Variants in TMEM260 observed in about 807,000 individuals in gnomAD.
The protein encoded by TMEM260 is protein O-mannosyl-transferase TMEM260.
TMEM260 carries 82 observed loss-of-function variants against 88.9 expected under a neutral mutation model. The ratio of observed to expected loss-of-function variants is 0.92; its 90% CI spans 0.77 to 1.11. The LOEUF (loss-of-function observed/expected upper bound fraction) is 1.11, where lower values mean the gene tolerates loss of function less well. Among genes scored for constraint, TMEM260 ranks in the 50% least tolerant of loss-of-function variants. The pLI is 0.00. For synonymous variants in TMEM260, 314 were observed against 309.3 expected, an observed-to-expected ratio of 1.02 and a Z score of -0.16; for missense variants, 902 against 853.4, an observed-to-expected ratio of 1.06 and a Z score of -0.71.
chr14:56,655,805 T>C, the TMEM260 span, among the ~76,000 whole-genome samples: 1 of 152,208 alleles, frequency 6.6e-6, no homozygotes, highest in Non-Finnish European at 1.5e-5. Flanking sequence ...ATCATGCACC[T>C]GGATGAAGCC....
intron 13 of TMEM260, among the ~76,000 whole-genome samples, chr14:56,633,701 G>A (rs1167232519): frequency 6.6e-6 from 1 of 152,034 alleles, no homozygotes; most frequent in Non-Finnish European, 1.5e-5. Flanking sequence ...CTTCCATTAA[G>A]CATTTCTACA....
intron 3 of TMEM260, 110 bp downstream of exon 3, chr14:56,586,022 C>T (rs555464093): frequency 9.2e-7 from 1 of 1,083,400 alleles, no homozygotes; most frequent in South Asian, 1.6e-5. Flanking sequence ...TTCCCTAACA[C>T]ATGTGATTTC....
intron 12 of TMEM260, among the ~76,000 whole-genome samples, chr14:56,629,337 A>ATACT: frequency 1.4e-5 from 2 of 142,820 alleles, no homozygotes; most frequent in South Asian, 4.3e-4. Context: ...TTTTCATGGT[A>ATACT]TACTTAGGAG....
the TMEM260 span, among the ~76,000 whole-genome samples, chr14:56,657,742 A>G: frequency 6.6e-6 from 1 of 152,212 alleles, no homozygotes; most frequent in Non-Finnish European, 1.5e-5. Flanking sequence ...CCACCTGTTG[A>G]GATGTCTGCA....
Position 56,603,866 on chromosome 14 carries a change from T to A in TMEM260, c.396T>A (p.Phe132Leu). 6.2e-7 allele frequency: 1 copy of A among 1,613,988 alleles called. No homozygotes were observed. Residue 132 changes from phenylalanine (F) to leucine (L), a missense_variant, in exon 4 of 16, where the codon TTT (phenylalanine) becomes TTA (leucine). Phe to Leu is a conservative substitution (Grantham distance 22). Transcript: ENST00000261556. ...TCCTTGCTGCGGGGGTGTTTTCATT[T>A]TCTCGTCTAACATGGCAGTGGTCCA... ...GGILAAGVFSFSRLTWQWSIA... is the reference protein window; with the variant it reads ...GGILAAGVFSLSRLTWQWSIA...
At chr14:56,596,381 A>AGAGTGTGTGTGTGTGTGT (rs1555334739) in intron 3 of TMEM260, among the ~76,000 whole-genome samples, 6 of 126,576 alleles carry the variant, frequency 4.7e-5, no homozygotes, top group South Asian at 2.6e-4. Flanking sequence ...TATATGTGAG[A>AGAGTGTGTGTGTGTGTGT]GTGTGTGTGT....
At chr14:56,635,846 T>A (rs1242839462) in intron 14 of TMEM260, among the ~76,000 whole-genome samples, 1 of 121,822 alleles carries the variant, frequency 8.2e-6, no homozygotes, top group East Asian at 2.4e-4. Context: ...TGATTGCAAA[T>A]ATATATATAT....
At chr14:56,584,675 A>G (rs1885373002) in intron 1 of TMEM260, among the ~76,000 whole-genome samples, 1 of 152,140 alleles carries the variant, frequency 6.6e-6, no homozygotes, top group African/African-American at 2.4e-5. Context: ...AGGGATAATA[A>G]AGCATATTAC....
chr14:56,609,194 T>G lies in TMEM260; in HGVS notation c.725T>G (p.Leu242Arg). The G allele has an allele frequency of 6.2e-7, 1 of 1,614,170 alleles. No individual in the cohort carries two copies. Among genetic ancestry groups the G allele is most frequent in the Non-Finnish European group, 8.5e-7 (1 of 1,180,026 alleles). The part of the protein sequence containing the change: ...PYVHLPISSY[L>R]NHARWTWGDQ... ...GTCCACCTTCCCATCTCATCTTACC[T>G]TAATCACGCCCGGTGGACCTGGGGA... The change falls in exon 6 of 16, where the codon CTT becomes CGT. Residue 242 changes from leucine to arginine, a missense_variant. Leu to Arg is a moderately radical substitution (Grantham distance 102). Transcript: ENST00000261556.
At chr14:56,596,421 T>C (rs1253981809) in intron 3 of TMEM260, among the ~76,000 whole-genome samples, 24 of 136,616 alleles carry the variant, frequency 1.8e-4, no homozygotes, top group South Asian at 4.5e-4. Context: ...TATATATATA[T>C]ATATACATAC....
In TMEM260 at chr14:56,605,673, T is replaced by A. The variant is rs779435739; in HGVS notation, c.626T>A (p.Leu209Ter). The change falls in exon 5 of 16, where the codon TTA becomes TAA. Residue 209 changes from leucine (L) to a stop codon, truncating the protein, a stop_gained. Transcript: ENST00000261556. LOFTEE classifies it high-confidence loss of function. ...CIIPWILFQLLKKKELSLGSL... is the reference protein window; with the variant it reads ...CIIPWILFQL ...ATACCTTGGATTCTCTTTCAACTTT[T>A]AAAAAAGAAGGTACGTTTTTGAATT... 1.3e-5 allele frequency: 20 copies of A among 1,559,020 alleles called. No individual in the cohort carries two copies. The highest frequency in any genetic ancestry group is 7.6e-5 in the Admixed American group (4 of 52,670).
At chr14:56,658,618 G>A in the TMEM260 span, among the ~76,000 whole-genome samples, 10 of 152,256 alleles carry the variant, frequency 6.6e-5, no homozygotes, top group Non-Finnish European at 1.0e-4. Flanking sequence ...CTTCAAACAT[G>A]TTAAGGTTAT....
At chr14:56,644,238 A>G (rs1343515097) in intron 15 of TMEM260, among the ~76,000 whole-genome samples, 1 of 152,168 alleles carries the variant, frequency 6.6e-6, no homozygotes, top group Non-Finnish European at 1.5e-5. Flanking sequence ...GAGGCATCAC[A>G]CTACCTGACT....
chr14:56,633,810 A>C (rs1381917463), intron 13 of TMEM260, among the ~76,000 whole-genome samples: 2 of 152,342 alleles, frequency 1.3e-5, no homozygotes, highest in Non-Finnish European at 2.9e-5. Flanking sequence ...ACACACACAG[A>C]GTCACTATCT....
At chr14:56,615,664 A>T in intron 7 of TMEM260, 2 of 303,458 alleles carry the variant, frequency 6.6e-6, no homozygotes, top group Non-Finnish European at 1.2e-5. Flanking sequence ...GATATTCTAT[A>T]CAGTATACCA....
intron 15 of TMEM260, 56 bp from the exon 16 acceptor site, chr14:56,647,187 A>G (rs1234436368): frequency 1.0e-5 from 11 of 1,056,742 alleles, no homozygotes; most frequent in Admixed American, 9.6e-5. Flanking sequence ...TTTGTTTTTG[A>G]AAAAAAAAAA....
downstream of TMEM260, among the ~76,000 whole-genome samples, chr14:56,654,527 A>T (rs1890264915): frequency 6.6e-6 from 1 of 152,070 alleles, no homozygotes; most frequent in African/African-American, 2.4e-5. Context: ...TTTAAAAAAT[A>T]TTGAATGTCA....
At position 56,579,884 on chromosome 14, in the gene TMEM260, C is replaced by T. The variant is rs1199520316; in HGVS notation, c.-31C>T. On this transcript the variant is annotated 5_prime_UTR_variant, in exon 1 of 16. Coordinates refer to ENST00000261556, the MANE Select transcript of TMEM260 (RefSeq NM_017799.4). ...TGTCGCACCGGGTTCTTGGGCTGGC[C>T]GTGTCCTTCTCCCTCGGTCGCCACT... The T allele has an allele frequency of 2.4e-6, 3 of 1,231,888 alleles. No individual in the cohort carries two copies. Among genetic ancestry groups the T allele is most frequent in the Middle Eastern group, 6.2e-4 (2 of 3,214 alleles). The allele number at this position is 1,231,888 out of a possible 1,614,324, so 76.3% of individuals were successfully genotyped here.
At chr14:56,656,694 C>T in the TMEM260 span, among the ~76,000 whole-genome samples, 5 of 152,008 alleles carry the variant, frequency 3.3e-5, no homozygotes, top group Non-Finnish European at 5.9e-5. Context: ...TGTTTAAAAA[C>T]GTCTTTACTA....
Sources: gnomAD v4.1 joint callset for allele counts (sites outside exome capture counted in the v4.1 genomes callset) on GRCh38, gnomAD v4.1.1 for gene constraint, MANE v1.5 for transcripts, NCBI Gene and HGNC (gene_info 2026-07-23, HGNC 2026-07-21) for gene names.